The following IL1RAPL1 variants were observed in gnomAD, a reference collection of about 807,000 sequenced individuals.
IL1RAPL1 encodes the protein interleukin 1 receptor accessory protein like 1.
IL1RAPL1 carries 3 observed loss-of-function variants against 48.4 expected under a neutral mutation model. That is an observed-to-expected ratio of 0.06 (90% CI 0.03 to 0.16). IL1RAPL1 has a LOEUF of 0.16. Among genes scored for constraint, IL1RAPL1 ranks in the 10% least tolerant of loss-of-function variants. IL1RAPL1 has a pLI of 1.00. For synonymous variants in IL1RAPL1, 185 were observed against 187.7 expected, an observed-to-expected ratio of 0.99 and a Z score of 0.12; for missense variants, 349 against 530.6, an observed-to-expected ratio of 0.66 and a Z score of 3.36.
At chrX:28,608,191 G>T (rs1934107572) in intron 1 of IL1RAPL1, among the ~76,000 whole-genome samples, 1 of 111,686 alleles carries the variant, frequency 9.0e-6, no homozygotes, top group Admixed American at 9.5e-5. Context: ...TAAATTGTGG[G>T]TAGCTGTGGT....
rs1203567304 is a variant in IL1RAPL1 at position 28,822,802 on chromosome X, A to C, written c.82+33377A>C. Among the ~76,000 whole-genome samples the C allele has an allele frequency of 2.7e-5, 3 of 112,120 alleles. No homozygotes were observed. In the South Asian group the frequency reaches 1.1e-3, roughly 41 times the overall value. ...ACAAGGGATGGAAGGGGTGTACCCA[A>C]GGCCATAGGTCATAATCAGCTGCTA... On this transcript the variant is annotated intron_variant, in intron 2 of 10. Coordinates refer to ENST00000378993, the MANE Select transcript of IL1RAPL1 (RefSeq NM_014271.4).
At chrX:29,170,486 C>A (rs1929886331) in intron 2 of IL1RAPL1, among the ~76,000 whole-genome samples, 1 of 111,637 alleles carries the variant, frequency 9.0e-6, no homozygotes. Flanking sequence ...TTTTCTGTTT[C>A]TCTTTCTTAG....
intron 2 of IL1RAPL1, among the ~76,000 whole-genome samples, chrX:29,043,608 A>T (rs1228695173): frequency 9.0e-6 from 1 of 111,440 alleles, no homozygotes; most frequent in African/African-American, 3.3e-5. Context: ...TTGGGCATGA[A>T]TCATGAATTC....
chrX:29,309,296 A>G (rs1449821590), intron 3 of IL1RAPL1, among the ~76,000 whole-genome samples: 1 of 111,313 alleles, frequency 9.0e-6, no homozygotes, highest in Non-Finnish European at 1.9e-5. Context: ...GCACTGGAAG[A>G]CACTAGGGGG....
At chrX:29,462,624 A>C (rs1373997026) in intron 5 of IL1RAPL1, among the ~76,000 whole-genome samples, 2 of 111,460 alleles carry the variant, frequency 1.8e-5, no homozygotes, top group Admixed American at 1.9e-4. Flanking sequence ...TTTGGTTGAC[A>C]GTTCCAGGCC....
chrX:28,639,770 A>G (rs1934511754), intron 1 of IL1RAPL1, among the ~76,000 whole-genome samples: 1 of 111,976 alleles, frequency 8.9e-6, no homozygotes, highest in Non-Finnish European at 1.9e-5. Context: ...CAAAAATTGT[A>G]CCTCTGAGTT....
At chrX:29,507,244 T>G (rs1935341278) in intron 5 of IL1RAPL1, among the ~76,000 whole-genome samples, 1 of 101,788 alleles carries the variant, frequency 9.8e-6, no homozygotes, top group African/African-American at 3.6e-5. Flanking sequence ...TTTTTCTTTC[T>G]TTCTTTCTTT....
At chrX:29,609,342 G>A (rs1425504194) in intron 5 of IL1RAPL1, among the ~76,000 whole-genome samples, 1 of 112,369 alleles carries the variant, frequency 8.9e-6, no homozygotes, top group Non-Finnish European at 1.9e-5. Flanking sequence ...CTGGCATTGA[G>A]TGTTCTCTAT....
At position 28,820,482 on chromosome X, in the gene IL1RAPL1, C is replaced by T. The variant is rs147695893; in HGVS notation, c.82+31057C>T. Among the ~76,000 whole-genome samples, 270 of 111,425 alleles carry T rather than the reference C, an allele frequency of 2.4e-3. 2 individuals are homozygous for T. In the East Asian group the frequency reaches 0.054, roughly 22 times the overall value. On this transcript the variant is annotated intron_variant, in intron 2 of 10. Transcript: ENST00000378993. ...TCATTTGGTGCAATGCTGGTTTACA[C>T]CACTCACTGCTTCATCTACCTGCCT... is the stretch of plus-strand genomic sequence containing the variant.
intron 1 of IL1RAPL1, among the ~76,000 whole-genome samples, chrX:28,609,611 C>T (rs1934123090): frequency 1.1e-5 from 1 of 90,229 alleles, no homozygotes; most frequent in Non-Finnish European, 2.1e-5. Context: ...AAAATGACTT[C>T]TCAGCATGCA....
At chrX:29,498,801 T>A (rs1160044735) in intron 5 of IL1RAPL1, among the ~76,000 whole-genome samples, 1 of 112,069 alleles carries the variant, frequency 8.9e-6, no homozygotes, top group Non-Finnish European at 1.9e-5. Flanking sequence ...TAAAGCCATC[T>A]TATAAGTTTC....
chrX:28,873,725 G>A (rs1436533689), intron 2 of IL1RAPL1, among the ~76,000 whole-genome samples: 2 of 105,962 alleles, frequency 1.9e-5, no homozygotes, highest in Non-Finnish European at 3.9e-5. Context: ...TAGAGACGGG[G>A]TTTCACTGTG....
intron 5 of IL1RAPL1, among the ~76,000 whole-genome samples, chrX:29,612,297 G>T (rs1924121282): frequency 9.1e-6 from 1 of 110,292 alleles, no homozygotes; most frequent in Non-Finnish European, 1.9e-5. Context: ...GACAGCCCCA[G>T]TATTCTCTCC....
intron 6 of IL1RAPL1, among the ~76,000 whole-genome samples, chrX:29,861,062 G>A (rs1601855608): frequency 8.9e-6 from 1 of 112,031 alleles, no homozygotes; most frequent in Non-Finnish European, 1.9e-5. Context: ...AGTTAATGCT[G>A]TACTTTTTAG....
At chrX:29,367,434 A>C (rs1369601229) in intron 3 of IL1RAPL1, among the ~76,000 whole-genome samples, 2 of 111,537 alleles carry the variant, frequency 1.8e-5, no homozygotes, top group Non-Finnish European at 3.8e-5. Flanking sequence ...CATATATCCA[A>C]ATCATCCCAC....
intron 3 of IL1RAPL1, among the ~76,000 whole-genome samples, chrX:29,290,895 T>G (rs1200996749): frequency 1.8e-5 from 2 of 112,150 alleles, no homozygotes; most frequent in Non-Finnish European, 3.8e-5. Flanking sequence ...AGTTTTGAGA[T>G]AATAAAGGAG....
At chrX:29,711,069 TACACACACACACACAC>T (rs745317897) in intron 6 of IL1RAPL1, among the ~76,000 whole-genome samples, 3 of 86,437 alleles carry the variant, frequency 3.5e-5, no homozygotes, top group African/African-American at 8.4e-5. Flanking sequence ...TGTGTGTGTA[TACACACACACACACAC>T]ACACAGATAT....
Position 29,803,049 on chromosome X carries a change from G to GTGTACATATATA in IL1RAPL1, c.779-114410_779-114399dup, listed in dbSNP as rs1197165079. Among the ~76,000 whole-genome samples the GTGTACATATATA allele has an allele frequency of 5.0e-5, 4 of 79,381 alleles. No homozygotes were observed. In the East Asian group the frequency reaches 1.7e-3, roughly 33 times the overall value. The allele number at this position is 79,381 out of a possible 115,157, so 68.9% of individuals were successfully genotyped here. On this transcript the variant is annotated intron_variant, in intron 6 of 10. Coordinates refer to ENST00000378993, the MANE Select transcript of IL1RAPL1 (RefSeq NM_014271.4). ...TACATGTATGCATATATACATATAT[G>GTGTACATATATA]TGTACATATATATGTATGCATGTAT...
intron 3 of IL1RAPL1, among the ~76,000 whole-genome samples, chrX:29,358,414 G>A (rs1292593331): frequency 2.9e-5 from 3 of 103,100 alleles, no homozygotes; most frequent in African/African-American, 7.2e-5. Flanking sequence ...CCCACCCCCC[G>A]CCACACACAC....
Sources: allele counts gnomAD v4.1 joint callset (sites outside exome capture counted in the v4.1 genomes callset), GRCh38; gene constraint gnomAD v4.1.1; transcripts MANE v1.5; gene names NCBI Gene and HGNC (gene_info 2026-07-23, HGNC 2026-07-21).